The following DGLUCY variants were observed in gnomAD, a reference collection of about 807,000 sequenced individuals.
DGLUCY encodes the protein D-glutamate cyclase, also known as D-glutamate cyclase, mitochondrial.
DGLUCY carries 58 observed loss-of-function variants against 58.5 expected under a neutral mutation model. The observed-to-expected ratio is 0.99, with a 90% CI of 0.80 to 1.23. The LOEUF (loss-of-function observed/expected upper bound fraction) is 1.23, where lower values mean the gene tolerates loss of function less well. DGLUCY is among the 50% of genes most tolerant of loss of function. The probability of loss-of-function intolerance (pLI) is 0.00; values close to 1 mark genes in which losing one functional copy is unlikely to be tolerated. For missense variants in DGLUCY, 779 were observed against 784.7 expected, an observed-to-expected ratio of 0.99 and a Z score of 0.09; for synonymous variants, 325 against 314.1, an observed-to-expected ratio of 1.03 and a Z score of -0.37.
intron 1 of DGLUCY, among the ~76,000 whole-genome samples, chr14:91,096,160 C>T (rs1047861456): frequency 3.9e-5 from 6 of 152,172 alleles, no homozygotes; most frequent in African/African-American, 9.6e-5. Context: ...AGGCTGGGCG[C>T]GGTGGCACTT....
chr14:91,147,720 C>T (rs2047086712), intron 1 of DGLUCY: 1 of 152,236 alleles, frequency 6.6e-6, no homozygotes, highest in Non-Finnish European at 1.5e-5. Flanking sequence ...TCTGTCCCAT[C>T]ATATCTGCTT....
intron 9 of DGLUCY, among the ~76,000 whole-genome samples, chr14:91,190,939 G>A (rs1595881253): frequency 6.6e-6 from 1 of 152,160 alleles, no homozygotes; most frequent in African/African-American, 2.4e-5. Flanking sequence ...AGAGGAGGAC[G>A]GTTTGGAGTG....
upstream of DGLUCY, among the ~76,000 whole-genome samples, chr14:91,105,092 A>C (rs2044566486): frequency 6.6e-6 from 1 of 152,164 alleles, no homozygotes; most frequent in African/African-American, 2.4e-5. Context: ...AGTTGGGAGG[A>C]TCACACGAGG....
At chr14:91,135,834 A>G (rs1033835274) in intron 1 of DGLUCY, among the ~76,000 whole-genome samples, 1 of 151,436 alleles carries the variant, frequency 6.6e-6, no homozygotes, top group Non-Finnish European at 1.5e-5. Context: ...TGCCTTTAAC[A>G]TGGTAATATG....
chr14:91,170,091 G>A lies in DGLUCY; in HGVS notation c.346G>A (p.Asp116Asn). 1 of 1,612,886 alleles carries A rather than the reference G, an allele frequency of 6.2e-7. No homozygotes were observed. The highest frequency in any genetic ancestry group is 8.5e-7 in the Non-Finnish European group (1 of 1,180,046). The change falls in exon 5 of 14, where the codon GAC (aspartate) becomes AAC (asparagine). Residue 116 changes from aspartate to asparagine, a missense_variant. Transcript: ENST00000256324. ...GGAGCAGTACTCGGAGCAGCTGAAG[G>A]ACATGGTGGCCTTCTTCCTGGGCTG... ...SLEQYSEQLK[D>N]MVAFFLGCSF...
At chr14:91,194,386 G>C (rs1277600973) in intron 9 of DGLUCY, among the ~76,000 whole-genome samples, 1 of 152,016 alleles carries the variant, frequency 6.6e-6, no homozygotes, top group Non-Finnish European at 1.5e-5. Flanking sequence ...ATTCCCCTTT[G>C]TTGTGACTGT....
At chr14:91,112,930 C>T (rs1169108718), upstream of DGLUCY, among the ~76,000 whole-genome samples, 1 of 133,708 alleles carries the variant, frequency 7.5e-6, no homozygotes, top group Non-Finnish European at 1.5e-5. Context: ...ACCCAGGAGG[C>T]GGAGATTGCA....
rs541578383 is a variant in DGLUCY, at chr14:91,139,414, T to C, written c.-81-18225T>C. On this transcript the variant is annotated intron_variant, in intron 1 of 13. Transcript: ENST00000256324. ...CCCAGAAATAACCAGACCGGGCGTG[T>C]TGGCTCATACCTGTAATCCCAGCAC... Among the ~76,000 whole-genome samples the C allele has an allele frequency of 1.3e-4, 20 of 152,246 alleles. 1 individual carries two copies. In the South Asian group the frequency reaches 2.1e-3, roughly 16 times the overall value.
intron 12 of DGLUCY, among the ~76,000 whole-genome samples, chr14:91,211,764 G>A (rs1241949606): frequency 6.6e-6 from 1 of 152,176 alleles, no homozygotes; most frequent in Non-Finnish European, 1.5e-5. Context: ...ATATTTGGAT[G>A]AGCATGAGTA....
At chr14:91,222,392 G>A (rs1305450510) in intron 13 of DGLUCY, among the ~76,000 whole-genome samples, 3 of 152,178 alleles carry the variant, frequency 2.0e-5, no homozygotes, top group Non-Finnish European at 4.4e-5. Context: ...ATGGCCCCAG[G>A]AGTCCCAGAA....
chr14:91,145,546 C>G (rs144001045), intron 1 of DGLUCY, among the ~76,000 whole-genome samples: 261 of 152,278 alleles, frequency 1.7e-3, no homozygotes, highest in Middle Eastern at 3.4e-3. Context: ...GGACTGAGGA[C>G]AGGAAGTCAC....
chr14:91,173,728 C>CCTG, intron 6 of DGLUCY: 1 of 312,986 alleles, frequency 3.2e-6, no homozygotes, highest in South Asian at 6.5e-5. Context: ...CAGGGCTGGG[C>CCTG]TTACAGATGC....
chr14:91,092,546 A>G (rs1439882477), intron 1 of DGLUCY, among the ~76,000 whole-genome samples: 1 of 152,244 alleles, frequency 6.6e-6, no homozygotes, highest in Non-Finnish European at 1.5e-5. Flanking sequence ...CATTCTCAAC[A>G]GAGACTGCAC....
Position 91,215,307 on chromosome 14 carries a change from C to T in DGLUCY, c.1565-98C>T, listed in dbSNP as rs954656988. 6.2e-5 allele frequency: 93 copies of T among 1,507,304 alleles called. No individual in the cohort carries two copies. In the East Asian group the frequency reaches 9.6e-4, roughly 16 times the overall value. The allele number at this position is 1,507,304 out of a possible 1,614,324, so 93.4% of individuals were successfully genotyped here. A position where few individuals can be genotyped will look rare whatever the true frequency, so the allele number is the denominator to read the frequency against. ...CCAGATGATACTGGTGCTACGGGAC[C>T]GTGGACCAGTCCTGCAGATAGTTCT... On this transcript the variant is annotated intron_variant, in intron 12 of 13. Transcript: ENST00000256324.
At chr14:91,164,002 T>C (rs2048134073) in intron 3 of DGLUCY, among the ~76,000 whole-genome samples, 1 of 152,098 alleles carries the variant, frequency 6.6e-6, no homozygotes, top group Admixed American at 6.6e-5. Context: ...CAGGCTGGAG[T>C]GCAGTGGCGC....
intron 11 of DGLUCY, among the ~76,000 whole-genome samples, chr14:91,200,176 A>C (rs2050465910): frequency 6.6e-6 from 1 of 152,102 alleles, no homozygotes; most frequent in Admixed American, 6.6e-5. Context: ...GCTGGTCTGG[A>C]ACTCCTGACG....
At chr14:91,071,195 GGTGTGGTGGCAC>G (rs1489231152) in intron 1 of DGLUCY, among the ~76,000 whole-genome samples, 1 of 151,872 alleles carries the variant, frequency 6.6e-6, no homozygotes, top group East Asian at 1.9e-4. Context: ...AAATTAGCAA[GGTGTGGTGGCAC>G]GCGCCTGTAT....
chr14:91,100,055 C>CAAA (rs781379842), intron 1 of DGLUCY, among the ~76,000 whole-genome samples: 331 of 130,608 alleles, frequency 2.5e-3, no homozygotes, highest in African/African-American at 7.9e-3. Flanking sequence ...AACTCTGTCT[C>CAAA]AAAAAAAAAA....
At chr14:91,186,700 C>G (rs567666002) in intron 8 of DGLUCY, among the ~76,000 whole-genome samples, 1 of 152,248 alleles carries the variant, frequency 6.6e-6, no homozygotes, top group South Asian at 2.1e-4. Flanking sequence ...ACAGTGGGCA[C>G]GAGAAGTGAC....
Sources: gnomAD v4.1 joint callset for allele counts (sites outside exome capture counted in the v4.1 genomes callset) on GRCh38, gnomAD v4.1.1 for gene constraint, MANE v1.5 for transcripts, NCBI Gene and HGNC (gene_info 2026-07-23, HGNC 2026-07-21) for gene names.